The following SCRIB variants were observed in gnomAD, a reference collection of about 807,000 sequenced individuals.
SCRIB encodes protein scribble homolog.
SCRIB carries 72 observed loss-of-function variants against 170.0 expected under a neutral mutation model. That is an observed-to-expected ratio of 0.42 (90% CI 0.35 to 0.52). The LOEUF is 0.52. Among genes scored for constraint, SCRIB ranks in the 20% least tolerant of loss-of-function variants. The probability of loss-of-function intolerance (pLI) is 0.02; values close to 1 mark genes in which losing one functional copy is unlikely to be tolerated. For missense variants in SCRIB, 2,475 were observed against 2,338.5 expected, an observed-to-expected ratio of 1.06 and a Z score of -1.20; for synonymous variants, 1,298 against 1,044.3, an observed-to-expected ratio of 1.24 and a Z score of -4.68.
In SCRIB at chr8:143,803,641, G is replaced by A. The variant is rs1481334399; in HGVS notation, c.3414+6C>T. 6.6e-6 allele frequency: 10 copies of A among 1,512,702 alleles called. No homozygotes were observed. Among genetic ancestry groups the A allele is most frequent in the South Asian group, 1.2e-5 (1 of 84,042 alleles). The allele number at this position is 1,512,702 out of a possible 1,614,324, so 93.7% of individuals were successfully genotyped here. On this transcript the variant is annotated splice_donor_region_variant and intron_variant, in intron 23 of 36. Coordinates refer to ENST00000356994, the MANE Select transcript of SCRIB (RefSeq NM_182706.5). The stretch of plus-strand genomic sequence containing the variant: ...CCCAGGGCGGGCTGGGGTGGGGGGG[G>A]CTCACCTTGGAGATGAAGATGCCCT...
chr8:143,812,385 C>T lies in SCRIB; in HGVS notation c.788-1G>A. ...AGGATGGATAGCTGCTTCAGCTGAC[C>T]TGGCGTCGGGGAGACAGGGGGACAA... On this transcript the variant is annotated splice_acceptor_variant, in intron 8 of 36. Transcript: ENST00000356994. LOFTEE classifies it high-confidence loss of function. 1 of 1,609,024 alleles carries T rather than the reference C, an allele frequency of 6.2e-7. No homozygotes were observed. Among genetic ancestry groups the T allele is most frequent in the Non-Finnish European group, 8.5e-7 (1 of 1,175,600 alleles).
chr8:143,792,957 G>A lies in SCRIB; in HGVS notation c.4017+19C>T. ...CACCCCAACCACGCGCAGCAGGGAG[G>A]CGTGCTGCCCCCACACACCTGGGCA... On this transcript the variant is annotated intron_variant, in intron 29 of 36. Transcript: ENST00000356994. 6.7e-7 allele frequency: 1 copy of A among 1,499,256 alleles called. No individual in the cohort carries two copies. Among genetic ancestry groups the A allele is most frequent in the Non-Finnish European group, 8.9e-7 (1 of 1,125,744 alleles). 92.9% of individuals were successfully genotyped at this position (1,499,256 alleles called of 1,614,324 possible).
chr8:143,803,960 C>G lies in SCRIB; in HGVS notation c.3121-20G>C, dbSNP rs782322645. 1.3e-6 allele frequency: 2 copies of G among 1,572,432 alleles called. No individual in the cohort carries two copies. The highest frequency in any genetic ancestry group is 8.6e-7 in the Non-Finnish European group (1 of 1,157,664). On this transcript the variant is annotated intron_variant, in intron 22 of 36. Transcript: ENST00000356994. ...GAGCACCTGTCAGGGAGGAGGGTGGCAGCTGGTGGCTGAGGCCGCGCTGAC... is the reference window on the plus strand; with the variant it reads ...GAGCACCTGTCAGGGAGGAGGGTGGGAGCTGGTGGCTGAGGCCGCGCTGAC...
Position 143,805,351 on chromosome 8 carries a change from C to T in SCRIB, c.2431G>A (p.Val811Met). Residue 811 changes from valine to methionine, a missense_variant, in exon 19 of 37, where the codon GTG becomes ATG. Physicochemically the swap from Val to Met is conservative, Grantham distance 21. Coordinates refer to ENST00000356994, the MANE Select transcript of SCRIB (RefSeq NM_182706.5). Reference protein sequence around the residue: ...RGAGTAVQMRVWRERMVEPEN... With the variant: ...RGAGTAVQMRMWRERMVEPEN... ...GGCTCCACCATGCGCTCCCGCCACACTCGCATCTGCACGGCAGTGCCGGCC... is the reference window on the plus strand; with the variant it reads ...GGCTCCACCATGCGCTCCCGCCACATTCGCATCTGCACGGCAGTGCCGGCC... The T allele has an allele frequency of 6.4e-7, 1 of 1,551,952 alleles. No individual in the cohort carries two copies.
Position 143,805,230 on chromosome 8 carries a change from G to A in SCRIB, c.2552C>T (p.Pro851Leu). The A allele has an allele frequency of 6.5e-7, 1 of 1,545,850 alleles. No individual in the cohort carries two copies. The highest frequency in any genetic ancestry group is 8.7e-7 in the Non-Finnish European group (1 of 1,150,552). ...CTGACGGAGGGGCCCGGGGCTCTCA[G>A]GCGGGAGCAGGGGCAGGCGCAGCCC... ...GGGLRLPLLP[P>L]ESPGPLRQRH... Residue 851 changes from proline to leucine, a missense_variant, in exon 19 of 37, where the codon CCT becomes CTT. Physicochemically the swap from Pro to Leu is moderately conservative, Grantham distance 98. Coordinates refer to ENST00000356994, the MANE Select transcript of SCRIB (RefSeq NM_182706.5).
intron 18 of SCRIB, among the ~76,000 whole-genome samples, chr8:143,805,978 G>A (rs1419484585): frequency 6.6e-6 from 1 of 152,120 alleles, no homozygotes; most frequent in African/African-American, 2.4e-5. Context: ...CCCGTGCCCC[G>A]GCTGAACAGC....
rs971382929 is a variant in SCRIB, at chr8:143,814,017, C to T, written c.261G>A (p.Leu87=). ...GCTCCCCACCGTTCCGGGACACGTC[C>T]AGCTCCACCAGCTGCATGAAGTTGG... ...EVANFMQLVE[L]DVSRNDIPEI... The change falls in exon 2 of 37, where the codon CTG becomes CTA. Residue 87 remains leucine, a synonymous_variant. Transcript: ENST00000356994. The T allele has an allele frequency of 3.2e-6, 5 of 1,566,068 alleles. No homozygotes were observed. In the African/African-American group the frequency reaches 4.1e-5, roughly 13 times the overall value.
chr8:143,804,149 CG>C lies in SCRIB; in HGVS notation c.3016del (p.Arg1006ValfsTer56). The C allele has an allele frequency of 1.2e-6, 2 of 1,608,014 alleles. No individual in the cohort carries two copies. The highest frequency in any genetic ancestry group is 1.7e-6 in the Non-Finnish European group (2 of 1,176,734). On this transcript the variant is annotated frameshift_variant, in exon 22 of 37. Transcript: ENST00000356994. LOFTEE classifies it high-confidence loss of function. ...LEGPYPVEEI[R>X]LPRAGGPLGL... ...CAGAGGGCCCCCAGCTCTTGGCAGA[CG>C]GATCTCCTGGGGATTTAGGGCGGGA...
intron 18 of SCRIB, among the ~76,000 whole-genome samples, chr8:143,805,646 T>TG (rs1815392540): frequency 6.6e-6 from 1 of 152,030 alleles, no homozygotes; most frequent in African/African-American, 2.4e-5. Flanking sequence ...AAACCCGGTG[T>TG]GGGAAGCCCT....
At position 143,804,580 on chromosome 8, in the gene SCRIB, T is replaced by C. The variant is rs1815324638; in HGVS notation, c.2997A>G (p.Pro999=). Residue 999 remains proline, a synonymous_variant, in exon 21 of 37, where the codon CCA becomes CCG. Transcript: ENST00000356994. ...GCTTGTGTCTCACCTCCACTGGGTA[T>C]GGCCCTTCCAACGCGGCAGCCAGCA... ...PSLLAAALEG[P]YPVEEIRLPR... is the part of the protein sequence containing the mutation. 4 of 1,512,322 alleles carry C rather than the reference T, an allele frequency of 2.6e-6. No homozygotes were observed. The highest frequency in any genetic ancestry group is 2.6e-6 in the Non-Finnish European group (3 of 1,135,740). The allele number at this position is 1,512,322 out of a possible 1,614,324, so 93.7% of individuals were successfully genotyped here.
chr8:143,814,835 T>C (rs1329586572), intron 1 of SCRIB: 2 of 239,168 alleles, frequency 8.4e-6, no homozygotes, highest in East Asian at 8.7e-5. Context: ...CACTCACCCC[T>C]GCACCCAGCA....
In SCRIB at chr8:143,808,300, C is replaced by T. The variant is rs1039799398; in HGVS notation, c.2115+309G>A. 1.2e-4 allele frequency among the ~76,000 whole-genome samples: 18 copies of T among 150,488 alleles called. No homozygotes were observed. The East Asian group carries it at 2.7e-3, about 23-fold the overall frequency. ...GAGCTGCCTCTGGCACTGAGACCAA[C>T]GCCAGGGCAGGCCTGGGGTCCAAGC... On this transcript the variant is annotated intron_variant, in intron 15 of 36. Transcript: ENST00000356994.
At position 143,792,858 on chromosome 8, in the gene SCRIB, G is replaced by A. The variant is rs1554633279; in HGVS notation, c.4027C>T (p.Pro1343Ser). ...PEDAPAQPPTPGPAASPEQLS... is the reference protein window; with the variant it reads ...PEDAPAQPPTSGPAASPEQLS... ...TGCTCCGGGGAGGCTGCAGGCCCAGGCGTGGGGGGCTGGGGGGAGCGGACC... is the reference window on the plus strand; with the variant it reads ...TGCTCCGGGGAGGCTGCAGGCCCAGACGTGGGGGGCTGGGGGGAGCGGACC... The change falls in exon 30 of 37, where the codon CCT becomes TCT. Residue 1343 changes from proline (P) to serine (S), a missense_variant. Physicochemically the swap from Pro to Ser is moderately conservative, Grantham distance 74 (BLOSUM62 -1). This residue lies in a region of SCRIB where 1,966 missense variants were observed against 1,742.9 expected (regional missense o/e 1.13). Transcript: ENST00000356994. 1.3e-6 allele frequency: 2 copies of A among 1,517,982 alleles called. No individual in the cohort carries two copies. The highest frequency in any genetic ancestry group is 2.6e-5 in the South Asian group (2 of 77,834). 94.0% of individuals were successfully genotyped at this position (1,517,982 alleles called of 1,614,324 possible).
At chr8:143,811,641 G>A (rs981160950) in intron 9 of SCRIB, among the ~76,000 whole-genome samples, 2 of 152,050 alleles carry the variant, frequency 1.3e-5, no homozygotes, top group Non-Finnish European at 2.9e-5. Context: ...GCGAGGCTGC[G>A]CCCTGTGAGC....
rs372258905 is a variant in SCRIB at position 143,805,223 on chromosome 8, G to A, written c.2559C>T (p.Ser853=). 1.7e-3 allele frequency: 2,714 copies of A among 1,551,436 alleles called. 2 individuals are homozygous for A. Among genetic ancestry groups the A allele is most frequent in the Non-Finnish European group, 2.0e-3 (2,323 of 1,153,360 alleles). Reference sequence around the variant, plus strand: ...CGTGGCGCTGACGGAGGGGCCCGGGGCTCTCAGGCGGGAGCAGGGGCAGGC... The same window carrying A: ...CGTGGCGCTGACGGAGGGGCCCGGGACTCTCAGGCGGGAGCAGGGGCAGGC... ...GLRLPLLPPE[S]PGPLRQRHVA... The change falls in exon 19 of 37, where the codon AGC becomes AGT. Residue 853 remains serine (S), a synonymous_variant. Transcript: ENST00000356994.
chr8:143,803,932 C>T lies in SCRIB; in HGVS notation c.3129G>A (p.Pro1043=), dbSNP rs782560000. 38 of 1,580,860 alleles carry T rather than the reference C, an allele frequency of 2.4e-5. 1 individual carries two copies. The highest frequency in any genetic ancestry group is 1.7e-4 in the Middle Eastern group (1 of 5,966). ...EPGVFISKVL[P]RGLAARSGLR... Reference sequence around the variant, plus strand: ...GGCCGCTGCGAGCGGCCAGGCCCCGCGGGAGCACCTGTCAGGGAGGAGGGT... The same window carrying T: ...GGCCGCTGCGAGCGGCCAGGCCCCGTGGGAGCACCTGTCAGGGAGGAGGGT... The change falls in exon 23 of 37, where the codon CCG becomes CCA. Residue 1043 remains proline (P), a synonymous_variant. Transcript: ENST00000356994.
At position 143,813,514 on chromosome 8, in the gene SCRIB, C is replaced by A. The variant is rs1009525769; in HGVS notation, c.459G>T (p.Leu153=). ...GGTTCTCCCGGAGCTCCAGGGTCAC[C>A]AGGTTGGCGAGGCTGAAAGAGAGAC... ...LPGDVGNLAN[L]VTLELRENLL... Residue 153 remains leucine (L), a synonymous_variant, in exon 5 of 37, where the codon CTG becomes CTT. Coordinates refer to ENST00000356994, the MANE Select transcript of SCRIB (RefSeq NM_182706.5). 2.5e-6 allele frequency: 4 copies of A among 1,613,090 alleles called. No homozygotes were observed. In the South Asian group the frequency reaches 4.4e-5, roughly 18 times the overall value.
At position 143,806,484 on chromosome 8, in the gene SCRIB, C is replaced by T. The variant is rs782301410; in HGVS notation, c.2269G>A (p.Gly757Ser). The change falls in exon 18 of 37, where the codon GGC becomes AGC. Residue 757 changes from glycine (G) to serine (S), a missense_variant and splice_region_variant. Around this residue, in one of 3 missense-constraint regions of SCRIB, gnomAD observed 1,966 missense variants for 1,742.9 expected, o/e 1.13. Coordinates refer to ENST00000356994, the MANE Select transcript of SCRIB (RefSeq NM_182706.5). ...GSTPYKGDDEGIFISRVSEEG... is the reference protein window; with the variant it reads ...GSTPYKGDDESIFISRVSEEG... ...TCGGACACCCGAGAGATGAATATGC[C>T]CTAGGGCACAGACACGAGCTTGGCA... The T allele has an allele frequency of 4.4e-6, 7 of 1,591,774 alleles. No homozygotes were observed. Among genetic ancestry groups the T allele is most frequent in the South Asian group, 3.4e-5 (3 of 87,816 alleles).
In SCRIB at chr8:143,810,836, G is replaced by A. The variant is rs1815679709; in HGVS notation, c.1274-20C>T. Reference sequence around the variant, plus strand: ...CATCCTCTGCAGCAGGTGAGCGTCAGGACCCAGGCTAGTCCCCAAACCCTG... The same window carrying A: ...CATCCTCTGCAGCAGGTGAGCGTCAAGACCCAGGCTAGTCCCCAAACCCTG... On this transcript the variant is annotated intron_variant, in intron 11 of 36. Transcript: ENST00000356994. 6.2e-7 allele frequency: 1 copy of A among 1,603,046 alleles called. No individual in the cohort carries two copies. Among genetic ancestry groups the A allele is most frequent in the Non-Finnish European group, 8.5e-7 (1 of 1,177,228 alleles).
Sources: gnomAD v4.1 joint callset for allele counts (sites outside exome capture counted in the v4.1 genomes callset) on GRCh38, gnomAD v4.1.1 for gene constraint, gnomAD v4.1.1 regional missense constraint, MANE v1.5 for transcripts, NCBI Gene and HGNC (gene_info 2026-07-23, HGNC 2026-07-21) for gene names.